ENTREP2: variants seen among roughly 807,000 people sequenced by gnomAD.
ENTREP2 encodes endosomal transmembrane epsin interactor 2.
chr15:29,332,515 T>C, the ENTREP2 span, among the ~76,000 whole-genome samples: 1 of 152,216 alleles, frequency 6.6e-6, no homozygotes, highest in East Asian at 1.9e-4. Flanking sequence ...TTAGGTGGTG[T>C]CCTGAGTTCC....
chr15:29,135,104 G>A, the ENTREP2 span, among the ~76,000 whole-genome samples: 1 of 151,850 alleles, frequency 6.6e-6, no homozygotes, highest in African/African-American at 2.4e-5. This position sits in a 1 kb window ranked among gnomAD's most constrained non-coding sequence, Gnocchi z 7.4. Context: ...CTCAGAATTG[G>A]CTTCAGCCCC....
the ENTREP2 span, among the ~76,000 whole-genome samples, chr15:29,489,296 T>C: frequency 6.6e-6 from 1 of 152,172 alleles, no homozygotes; most frequent in Admixed American, 6.5e-5. Context: ...TAAGATAATA[T>C]GCTAACTGGG....
At chr15:29,440,695 C>T in the ENTREP2 span, among the ~76,000 whole-genome samples, 1 of 152,290 alleles carries the variant, frequency 6.6e-6, no homozygotes, top group South Asian at 2.1e-4. Context: ...CCCAGGATGA[C>T]AAGGGGCCTC....
chr15:29,674,837 GCCTCTCGCACTAGCGCCC>G, the ENTREP2 span, among the ~76,000 whole-genome samples: 1 of 152,006 alleles, frequency 6.6e-6, no homozygotes, highest in Non-Finnish European at 1.5e-5. Flanking sequence ...CGCTGCCTCC[GCCTCTCGCACTAGCGCCC>G]CGCACCTGTG....
chr15:29,146,536 C>T, the ENTREP2 span, among the ~76,000 whole-genome samples: 1 of 152,174 alleles, frequency 6.6e-6, no homozygotes, highest in East Asian at 1.9e-4. Context: ...GTTACCAAGA[C>T]CATTCAACGG....
At chr15:29,221,674 A>T in the ENTREP2 span, among the ~76,000 whole-genome samples, 1 of 151,962 alleles carries the variant, frequency 6.6e-6, no homozygotes, top group Non-Finnish European at 1.5e-5. Flanking sequence ...TTCTGTTAAT[A>T]ATGTAGACTT....
chr15:29,441,207 C>T, the ENTREP2 span, among the ~76,000 whole-genome samples: 1,231 of 152,280 alleles, frequency 8.1e-3, 20 homozygotes, highest in African/African-American at 0.026. Context: ...ATAAGCCGAT[C>T]ACAAAAGGAC....
the ENTREP2 span, among the ~76,000 whole-genome samples, chr15:29,669,832 C>T: frequency 6.6e-6 from 1 of 152,184 alleles, no homozygotes; most frequent in Non-Finnish European, 1.5e-5. Flanking sequence ...TCCATGTCAT[C>T]CCGGTCCCTA....
chr15:29,397,253 T>C, the ENTREP2 span, among the ~76,000 whole-genome samples: 63 of 152,204 alleles, frequency 4.1e-4, 1 homozygote, highest in African/African-American at 1.5e-3. Context: ...TAGCCAGACA[T>C]GGTGGTATGT....
chr15:29,629,914 C>T, the ENTREP2 span, among the ~76,000 whole-genome samples: 1 of 152,052 alleles, frequency 6.6e-6, no homozygotes, highest in Non-Finnish European at 1.5e-5. Context: ...GCCAGGAATT[C>T]GAGACCAGCC....
At chr15:29,664,556 T>C in the ENTREP2 span, among the ~76,000 whole-genome samples, 1 of 151,598 alleles carries the variant, frequency 6.6e-6, no homozygotes, top group East Asian at 1.9e-4. Flanking sequence ...GCAGTGTGGG[T>C]ATGGCCTGGG....
At chr15:29,575,060 C>T in the ENTREP2 span, among the ~76,000 whole-genome samples, 1 of 152,174 alleles carries the variant, frequency 6.6e-6, no homozygotes, top group Non-Finnish European at 1.5e-5. Context: ...CTAGCTCTGG[C>T]AGCTGCACAC....
the ENTREP2 span, among the ~76,000 whole-genome samples, chr15:29,667,575 C>T: frequency 2.1e-5 from 3 of 140,420 alleles, no homozygotes; most frequent in Admixed American, 2.2e-4. Context: ...CTCACTGCAA[C>T]CTCTGCCTCC....
At chr15:29,162,296 G>C in the ENTREP2 span, among the ~76,000 whole-genome samples, 2 of 152,284 alleles carry the variant, frequency 1.3e-5, no homozygotes, top group South Asian at 4.1e-4. Flanking sequence ...ATTTGAACAG[G>C]GTTAGAAGCC....
At chr15:29,215,481 T>C in the ENTREP2 span, among the ~76,000 whole-genome samples, 1 of 152,082 alleles carries the variant, frequency 6.6e-6, no homozygotes, top group African/African-American at 2.4e-5. Flanking sequence ...TCTTCAGTTT[T>C]GGAACTTGGA....
chr15:29,602,472 C>T, the ENTREP2 span, among the ~76,000 whole-genome samples: 3 of 152,102 alleles, frequency 2.0e-5, no homozygotes, highest in Non-Finnish European at 2.9e-5. Flanking sequence ...AGAATTCTAA[C>T]AACTATTGTG....
the ENTREP2 span, among the ~76,000 whole-genome samples, chr15:29,566,602 G>A: frequency 2.0e-5 from 3 of 151,744 alleles, no homozygotes; most frequent in South Asian, 2.1e-4. Context: ...GATTACAGGT[G>A]CCCACCATCA....
the ENTREP2 span, among the ~76,000 whole-genome samples, chr15:29,155,093 T>TG: frequency 6.7e-6 from 1 of 150,144 alleles, no homozygotes; most frequent in African/African-American, 2.4e-5. Flanking sequence ...CCATCCTGGC[T>TG]AACACGGTGA....
the ENTREP2 span, among the ~76,000 whole-genome samples, chr15:29,454,456 C>A: frequency 6.6e-6 from 1 of 152,164 alleles, no homozygotes; most frequent in Non-Finnish European, 1.5e-5. Context: ...ACTTCCATTG[C>A]AAGTAGAGTG....
Sources: allele counts gnomAD v4.1 joint callset (sites outside exome capture counted in the v4.1 genomes callset), GRCh38; gene constraint gnomAD v4.1.1; non-coding constraint Gnocchi (gnomAD v3.1); transcripts MANE v1.5; gene names NCBI Gene and HGNC (gene_info 2026-07-23, HGNC 2026-07-21).